Variants in TRMT6 observed in about 807,000 individuals in gnomAD.
The protein encoded by TRMT6 is tRNA (adenine(58)-N(1))-methyltransferase non-catalytic subunit TRM6.
TRMT6 carries 34 observed loss-of-function variants against 59.0 expected under a neutral mutation model. The observed-to-expected ratio is 0.58, with a 90% CI of 0.44 to 0.77. The LOEUF (loss-of-function observed/expected upper bound fraction) is 0.77. TRMT6 is among the 30% of genes least tolerant of loss of function. The pLI is 0.00. For synonymous variants in TRMT6, 217 were observed against 210.5 expected (o/e 1.03, Z -0.27); for missense variants, 575 against 604.5 (o/e 0.95, Z 0.51).
Position 5,950,411 on chromosome 20 carries a change from T to C in TRMT6, c.-6A>G, listed in dbSNP as rs2122621476. 1 of 1,579,964 alleles carries C rather than the reference T, an allele frequency of 6.3e-7. No individual in the cohort carries two copies. Among genetic ancestry groups the C allele is most frequent in the Non-Finnish European group, 8.6e-7 (1 of 1,166,870 alleles). ...TGCTCCCCTGAGCCCTCCATGACGC[T>C]CAGCCGGTCGCCGTGCTCCACGGCG... On this transcript the variant is annotated 5_prime_UTR_variant, in exon 1 of 11. Transcript: ENST00000203001.
At chr20:5,940,502 A>T (rs2088646568) in intron 10 of TRMT6, among the ~76,000 whole-genome samples, 1 of 152,238 alleles carries the variant, frequency 6.6e-6, no homozygotes, top group Non-Finnish European at 1.5e-5. Flanking sequence ...TTACAGAGTA[A>T]TATATTCTGA....
chr20:5,943,585 A>C lies in TRMT6; in HGVS notation c.641T>G (p.Leu214Arg). 2 of 1,614,202 alleles carry C rather than the reference A, an allele frequency of 1.2e-6. No homozygotes were observed. Among genetic ancestry groups the C allele is most frequent in the Non-Finnish European group, 1.7e-6 (2 of 1,180,028 alleles). Reference protein sequence around the residue: ...IVMETCAGLVLGAMMERMGGF... With the variant: ...IVMETCAGLVRGAMMERMGGF... ...TCCCATTCGTTCCATCATTGCACCC[A>C]GCACCAAGCCTGCACACGTTTCCAT... The change falls in exon 6 of 11, where the codon CTG becomes CGG. Residue 214 changes from leucine (L) to arginine (R), a missense_variant. Leu to Arg is a moderately radical substitution (Grantham distance 102). Coordinates refer to ENST00000203001, the MANE Select transcript of TRMT6 (RefSeq NM_015939.5).
Position 5,938,633 on chromosome 20 carries a change from C to G in TRMT6, c.1396G>C (p.Ala466Pro), listed in dbSNP as rs1032256440. The G allele has an allele frequency of 6.2e-7, 1 of 1,614,220 alleles. No individual in the cohort carries two copies. The highest frequency in any genetic ancestry group is 8.5e-7 in the Non-Finnish European group (1 of 1,180,040). ...GFTVAMDNLKADTSLKSNAST... is the reference protein window; with the variant it reads ...GFTVAMDNLKPDTSLKSNAST... ...GCATTAGATTTGAGGCTGGTGTCTG[C>G]TTTAAGGTTGTCCATGGCAACGGTG... is the stretch of plus-strand genomic sequence containing the variant. The change falls in exon 11 of 11, where the codon GCA becomes CCA. Residue 466 changes from alanine to proline, a missense_variant. Coordinates refer to ENST00000203001, the MANE Select transcript of TRMT6 (RefSeq NM_015939.5).
intron 8 of TRMT6, chr20:5,941,648 A>G (rs748624555): frequency 1.7e-5 from 9 of 544,982 alleles, no homozygotes; most frequent in Admixed American, 3.3e-5. Flanking sequence ...TGCTTTGTGG[A>G]TATCTGTTAT....
chr20:5,945,390 T>C (rs2088697278), intron 2 of TRMT6, among the ~76,000 whole-genome samples: 3 of 152,250 alleles, frequency 2.0e-5, no homozygotes, highest in Admixed American at 2.0e-4. Context: ...CCTGGAAGGT[T>C]CTACGACAGA....
Position 5,938,731 on chromosome 20 carries a change from T to C in TRMT6, c.1303-5A>G, listed in dbSNP as rs376865603. ...ATGACTTCGATCTGGCAAAACCTAA[T>C]CAAGACAGAAAAGACATTCATGCTT... On this transcript the variant is annotated splice_polypyrimidine_tract_variant and splice_region_variant and intron_variant, in intron 10 of 10. Transcript: ENST00000203001. 6 of 1,613,308 alleles carry C rather than the reference T, an allele frequency of 3.7e-6. No homozygotes were observed. In the South Asian group the frequency reaches 4.4e-5, roughly 12 times the overall value.
rs979191746 is a variant in TRMT6, at chr20:5,937,818, A to G, written c.*717T>C. ...TGTGTGTGTGTGCAAATGTGTATCCATAAGACCATAGAGGGGGAAAAGACA... is the reference window on the plus strand; with the variant it reads ...TGTGTGTGTGTGCAAATGTGTATCCGTAAGACCATAGAGGGGGAAAAGACA... On this transcript the variant is annotated 3_prime_UTR_variant, in exon 11 of 11. Transcript: ENST00000203001. 1.3e-5 allele frequency: 2 copies of G among 152,226 alleles called. No individual in the cohort carries two copies. The highest frequency in any genetic ancestry group is 2.9e-5 in the Non-Finnish European group (2 of 68,036). 9.4% of individuals were successfully genotyped at this position (152,226 alleles called of 1,614,324 possible). A position where few individuals can be genotyped will look rare whatever the true frequency, so the allele number is the denominator to read the frequency against.
chr20:5,949,068 T>C (rs994771911), intron 1 of TRMT6, among the ~76,000 whole-genome samples: 22 of 151,980 alleles, frequency 1.4e-4, no homozygotes, highest in African/African-American at 5.1e-4. Context: ...CAAAAGAAAC[T>C]GTGGCCAGGT....
chr20:5,945,322 C>T (rs2122607125), intron 2 of TRMT6, among the ~76,000 whole-genome samples: 1 of 152,336 alleles, frequency 6.6e-6, no homozygotes, highest in East Asian at 1.9e-4. Flanking sequence ...TCTTTCTGTT[C>T]CTTGAACACA....
At position 5,946,659 on chromosome 20, in the gene TRMT6, T is replaced by C. The variant is rs188080115; in HGVS notation, c.129-126A>G. On this transcript the variant is annotated intron_variant, in intron 1 of 10. Coordinates refer to ENST00000203001, the MANE Select transcript of TRMT6 (RefSeq NM_015939.5). ...TGATCAGCAGCATTATCTCTGAACA[T>C]AAAGCAACAAAGGAACTAGAGAGAA... 28 of 857,606 alleles carry C rather than the reference T, an allele frequency of 3.3e-5. No individual in the cohort carries two copies. In the African/African-American group the frequency reaches 4.0e-4, roughly 12 times the overall value. 53.1% of individuals were successfully genotyped at this position (857,606 alleles called of 1,614,324 possible).
Position 5,938,365 on chromosome 20 carries a change from G to A in TRMT6, c.*170C>T. On this transcript the variant is annotated 3_prime_UTR_variant, in exon 11 of 11. Transcript: ENST00000203001. ...TGGTTGCAGTTTTGACAGACCAAAT[G>A]CATCTGTGTCAGAAATAGACAAAAG... 1.5e-6 allele frequency: 1 copy of A among 672,082 alleles called. No individual in the cohort carries two copies. Among genetic ancestry groups the A allele is most frequent in the South Asian group, 2.4e-5 (1 of 40,910 alleles). The allele number at this position is 672,082 out of a possible 1,614,324, so 41.6% of individuals were successfully genotyped here. A position where few individuals can be genotyped will look rare whatever the true frequency, so the allele number is the denominator to read the frequency against.
At chr20:5,942,988 T>C (rs1018156453) in intron 6 of TRMT6, among the ~76,000 whole-genome samples, 2 of 152,172 alleles carry the variant, frequency 1.3e-5, no homozygotes, top group Non-Finnish European at 1.5e-5. Flanking sequence ...CTAAAGCAGA[T>C]AGCAGGAAGA....
At chr20:5,949,690 CT>C (rs1422221265) in intron 1 of TRMT6, among the ~76,000 whole-genome samples, 2 of 152,118 alleles carry the variant, frequency 1.3e-5, no homozygotes, top group Non-Finnish European at 2.9e-5. Flanking sequence ...GTGTATCCTG[CT>C]TGGGTAGAGA....
In TRMT6 at chr20:5,941,100, C is replaced by T. The variant is rs2088651903; in HGVS notation, c.1255G>A (p.Gly419Arg). Residue 419 changes from glycine (G) to arginine (R), a missense_variant, in exon 10 of 11, where the codon GGG becomes AGG. By Grantham distance (125) the Gly-to-Arg change is moderately radical. Coordinates refer to ENST00000203001, the MANE Select transcript of TRMT6 (RefSeq NM_015939.5). ...ECYTKLRERG[G>R]VINLRLSETW... The stretch of plus-strand genomic sequence containing the variant: ...TCAGACAGCCTGAGGTTGATGACCC[C>T]TCCCCTCTCCCGCAGTTTTGTGTAG... 1.2e-6 allele frequency: 2 copies of T among 1,614,144 alleles called. No homozygotes were observed. The highest frequency in any genetic ancestry group is 1.7e-6 in the Non-Finnish European group (2 of 1,180,010).
At chr20:5,945,659 T>C (rs1335863133) in intron 2 of TRMT6, among the ~76,000 whole-genome samples, 1 of 152,228 alleles carries the variant, frequency 6.6e-6, no homozygotes, top group African/African-American at 2.4e-5. Context: ...AGTAAAAATA[T>C]GGATATTAAT....
chr20:5,950,135 C>A (rs1432567343), intron 1 of TRMT6, 143 bp downstream of exon 1: 37 of 833,844 alleles, frequency 4.4e-5, no homozygotes, highest in Non-Finnish European at 6.8e-5. Context: ...CAGAAAGACC[C>A]GAGGAGACAA....
chr20:5,946,563 A>G (rs1241895597), intron 1 of TRMT6, 30 bp from the exon 2 acceptor site: 21 of 1,608,750 alleles, frequency 1.3e-5, no homozygotes, highest in East Asian at 2.2e-5. Flanking sequence ...AATTAACTGA[A>G]TATCTTTTCT....
chr20:5,944,896 G>A lies in TRMT6; in HGVS notation c.275C>T (p.Thr92Ile), dbSNP rs747394586. 1 of 1,613,382 alleles carries A rather than the reference G, an allele frequency of 6.2e-7. No homozygotes were observed. Among genetic ancestry groups the A allele is most frequent in the South Asian group, 1.1e-5 (1 of 91,058 alleles). ...ATCATCAACTATATTTCGATTATCA[G>A]TGCCCGCTTCTTTAGTCTCTAAGGA... The part of the protein sequence containing the change: ...EPTAETKEAG[T>I]DNRNIVDDGK... The change falls in exon 3 of 11, where the codon ACT (threonine) becomes ATT (isoleucine). Residue 92 changes from threonine (T) to isoleucine (I), a missense_variant. Physicochemically the swap from Thr to Ile is moderately conservative, Grantham distance 89. Coordinates refer to ENST00000203001, the MANE Select transcript of TRMT6 (RefSeq NM_015939.5).
At chr20:5,941,419 A>G (rs953842530) in intron 8 of TRMT6, 74 bp from the exon 9 acceptor site, 93 of 1,057,032 alleles carry the variant, frequency 8.8e-5, no homozygotes, top group Non-Finnish European at 1.3e-4. Context: ...ATGCATTTAA[A>G]ATGATCATGT....
Sources: gnomAD v4.1 joint callset for allele counts (sites outside exome capture counted in the v4.1 genomes callset) on GRCh38, gnomAD v4.1.1 for gene constraint, MANE v1.5 for transcripts, NCBI Gene and HGNC (gene_info 2026-07-23, HGNC 2026-07-21) for gene names.